Variants in ARFIP1 observed in about 807,000 individuals in gnomAD.
ARFIP1 encodes ARF interacting protein 1, also known as arfaptin-1.
ARFIP1 carries 24 observed loss-of-function variants against 42.5 expected under a neutral mutation model. The observed-to-expected ratio is 0.57, with a 90% CI of 0.41 to 0.80. The LOEUF is 0.80. Ranked by LOEUF, ARFIP1 falls within the 30% of genes least tolerant of loss-of-function variation. ARFIP1 has a pLI of 0.00. For missense variants in ARFIP1, 354 were observed against 434.0 expected (o/e 0.82, Z 1.64); for synonymous variants, 141 against 153.7 (o/e 0.92, Z 0.61).
intron 8 of ARFIP1, among the ~76,000 whole-genome samples, 187 bp from the exon 9 acceptor site, chr4:152,909,877 A>G (rs1186456515): frequency 6.6e-6 from 1 of 152,198 alleles, no homozygotes. Context: ...GGTAATTAAA[A>G]AGTCATCAAA....
At chr4:152,892,001 C>G (rs1736898362) in intron 8 of ARFIP1, among the ~76,000 whole-genome samples, 1 of 152,066 alleles carries the variant, frequency 6.6e-6, no homozygotes, top group Admixed American at 6.6e-5. Context: ...AGCCACTGCA[C>G]CAGGCCCAAC....
intron 1 of ARFIP1, among the ~76,000 whole-genome samples, chr4:152,795,149 A>G (rs879522814): frequency 1.9e-4 from 29 of 151,134 alleles, no homozygotes; most frequent in Non-Finnish European, 3.2e-4. Flanking sequence ...TTTCTGGTTT[A>G]TCCTTCCGGT....
chr4:152,782,113 G>A (rs1002519766), intron 1 of ARFIP1, among the ~76,000 whole-genome samples: 1 of 152,048 alleles, frequency 6.6e-6, no homozygotes, highest in African/African-American at 2.4e-5. Context: ...GAAAACAGGT[G>A]TGTATGTGTG....
chr4:152,794,894 C>T (rs774789176), intron 1 of ARFIP1, among the ~76,000 whole-genome samples: 26 of 152,230 alleles, frequency 1.7e-4, no homozygotes, highest in Middle Eastern at 3.4e-3. Flanking sequence ...TTATGGGCTC[C>T]TTCAGGTTGG....
At chr4:152,786,188 A>C (rs934960735) in intron 1 of ARFIP1, among the ~76,000 whole-genome samples, 2 of 152,206 alleles carry the variant, frequency 1.3e-5, no homozygotes, top group African/African-American at 4.8e-5. Context: ...TCTAGGATAA[A>C]GATGTCAGCT....
intron 8 of ARFIP1, among the ~76,000 whole-genome samples, chr4:152,907,210 A>G (rs1738433475): frequency 6.6e-6 from 1 of 152,174 alleles, no homozygotes; most frequent in Non-Finnish European, 1.5e-5. Flanking sequence ...ACCCTGTGTA[A>G]TATTTATTAT....
intron 1 of ARFIP1, among the ~76,000 whole-genome samples, chr4:152,819,651 G>T (rs1271941055): frequency 1.3e-5 from 2 of 152,134 alleles, no homozygotes; most frequent in African/African-American, 4.8e-5. Flanking sequence ...GGAGTACCCC[G>T]TGGGACAAAG....
chr4:152,901,933 A>G (rs1350158524), intron 8 of ARFIP1, among the ~76,000 whole-genome samples: 1 of 152,226 alleles, frequency 6.6e-6, no homozygotes, highest in African/African-American at 2.4e-5. Flanking sequence ...ACAAGGTTAA[A>G]GTGCTGTGTG....
chr4:152,899,359 A>T (rs1482721622), intron 8 of ARFIP1, among the ~76,000 whole-genome samples: 1 of 152,032 alleles, frequency 6.6e-6, no homozygotes, highest in Non-Finnish European at 1.5e-5. Context: ...ACTACCCCTA[A>T]CTGTAACTAT....
chr4:152,898,260 G>T (rs138134103), intron 8 of ARFIP1, among the ~76,000 whole-genome samples: 7,047 of 152,050 alleles, frequency 0.046, 551 homozygotes, highest in African/African-American at 0.16. Flanking sequence ...GGGATTACAG[G>T]TGTGAGCCAC....
At chr4:152,843,976 A>G (rs546069795) in intron 2 of ARFIP1, among the ~76,000 whole-genome samples, 2 of 152,014 alleles carry the variant, frequency 1.3e-5, no homozygotes, top group East Asian at 3.9e-4. Context: ...TCAGCTGGAG[A>G]TTTCCTTCTC....
At chr4:152,907,529 C>T (rs1738467794) in intron 8 of ARFIP1, among the ~76,000 whole-genome samples, 1 of 152,136 alleles carries the variant, frequency 6.6e-6, no homozygotes, top group African/African-American at 2.4e-5. Flanking sequence ...TAAACCTATT[C>T]TGAATTTGTT....
chr4:152,883,849 A>G (rs1736053119), intron 7 of ARFIP1, among the ~76,000 whole-genome samples: 3 of 151,050 alleles, frequency 2.0e-5, no homozygotes, highest in Admixed American at 2.0e-4. Context: ...TTTTCTTTTG[A>G]GCACTCAAAA....
At chr4:152,887,039 A>T (rs1186838839) in intron 7 of ARFIP1, among the ~76,000 whole-genome samples, 1 of 152,028 alleles carries the variant, frequency 6.6e-6, no homozygotes, top group East Asian at 1.9e-4. Context: ...GATGTGAATT[A>T]TACACCTAAT....
intron 8 of ARFIP1, among the ~76,000 whole-genome samples, chr4:152,889,835 A>G (rs1736670089): frequency 8.8e-6 from 1 of 113,412 alleles, no homozygotes; most frequent in South Asian, 2.9e-4. Context: ...TATACTATAT[A>G]CTATATATAT....
intron 1 of ARFIP1, among the ~76,000 whole-genome samples, chr4:152,791,313 T>C (rs1355839020): frequency 6.6e-6 from 1 of 152,186 alleles, no homozygotes; most frequent in Non-Finnish European, 1.5e-5. Flanking sequence ...AGGAGAACTG[T>C]CATCAGAAAA....
At chr4:152,838,134 A>G (rs1315036517) in intron 2 of ARFIP1, among the ~76,000 whole-genome samples, 1 of 152,172 alleles carries the variant, frequency 6.6e-6, no homozygotes, top group African/African-American at 2.4e-5. Flanking sequence ...CCATTGGTCT[A>G]CATGCCTATC....
At chr4:152,783,953 G>C (rs914019960) in intron 1 of ARFIP1, among the ~76,000 whole-genome samples, 1 of 152,118 alleles carries the variant, frequency 6.6e-6, no homozygotes, top group South Asian at 2.1e-4. Context: ...TGTATATGAG[G>C]AGGGGAAAAT....
At position 152,910,298 on chromosome 4, in the gene ARFIP1, G is replaced by A; in HGVS notation, c.*79G>A. Reference sequence around the variant, plus strand: ...TAACAAGAATTAAGCAGAGTTGGGGGAAGTGGGAGGGGTGACAAGCATTAT... The same window carrying A: ...TAACAAGAATTAAGCAGAGTTGGGGAAAGTGGGAGGGGTGACAAGCATTAT... On this transcript the variant is annotated 3_prime_UTR_variant, in exon 9 of 9. Coordinates refer to ENST00000353617, the MANE Select transcript of ARFIP1 (RefSeq NM_001025595.3). The A allele has an allele frequency of 6.8e-7, 1 of 1,476,008 alleles. No homozygotes were observed. Among genetic ancestry groups the A allele is most frequent in the Non-Finnish European group, 9.2e-7 (1 of 1,089,788 alleles). The allele number at this position is 1,476,008 out of a possible 1,614,324, so 91.4% of individuals were successfully genotyped here.
Sources: allele counts gnomAD v4.1 joint callset (sites outside exome capture counted in the v4.1 genomes callset), GRCh38; gene constraint gnomAD v4.1.1; transcripts MANE v1.5; gene names NCBI Gene and HGNC (gene_info 2026-07-23, HGNC 2026-07-21).